WDR7: variants seen among roughly 807,000 people sequenced by gnomAD.
WDR7 encodes the protein WD repeat-containing protein 7.
Under a neutral mutation model 169.4 loss-of-function variants are expected in WDR7, and 46 were observed. The observed-to-expected ratio is 0.27, with a 90% CI of 0.21 to 0.35. The LOEUF is 0.35. WDR7 is among the 10% of genes least tolerant of loss of function. The pLI, the probability that WDR7 is intolerant of heterozygous loss-of-function variation, is 1.00. For missense variants in WDR7, 1,534 were observed against 1,859.3 expected, an observed-to-expected ratio of 0.83 and a Z score of 3.22; for synonymous variants, 612 against 666.8, an observed-to-expected ratio of 0.92 and a Z score of 1.27.
At chr18:56,984,155 T>C (rs1316770875) in intron 26 of WDR7, among the ~76,000 whole-genome samples, 1 of 152,174 alleles carries the variant, frequency 6.6e-6, no homozygotes, top group African/African-American at 2.4e-5. Flanking sequence ...CTTTTCTTCA[T>C]GTTTCATGAA....
intron 26 of WDR7, among the ~76,000 whole-genome samples, chr18:56,977,234 G>T (rs146388968): frequency 6.6e-6 from 1 of 152,304 alleles, no homozygotes; most frequent in African/African-American, 2.4e-5. Flanking sequence ...AAAGAGAATT[G>T]TTGGCTTGGT....
intron 12 of WDR7, among the ~76,000 whole-genome samples, chr18:56,703,136 G>A (rs996568655): frequency 9.2e-5 from 14 of 152,138 alleles, no homozygotes; most frequent in Non-Finnish European, 1.3e-4. Flanking sequence ...AGGAATGTGC[G>A]TCATCTAACC....
intron 26 of WDR7, among the ~76,000 whole-genome samples, chr18:56,988,591 G>GTT (rs977875096): frequency 2.1e-4 from 1 of 4,824 alleles, no homozygotes; most frequent in African/African-American, 2.9e-3. Flanking sequence ...TGGAAGGCAA[G>GTT]TGTGTGTGTG....
At chr18:56,970,372 T>G (rs1398932861) in intron 26 of WDR7, among the ~76,000 whole-genome samples, 1 of 151,936 alleles carries the variant, frequency 6.6e-6, no homozygotes, top group Non-Finnish European at 1.5e-5. Context: ...TCTATCCTGA[T>G]TTTTTTCCAG....
intron 11 of WDR7, 130 bp from the exon 12 acceptor site, chr18:56,696,112 A>G: frequency 1.3e-6 from 1 of 750,118 alleles, no homozygotes; most frequent in Non-Finnish European, 2.1e-6. Context: ...GAGTTGTGTT[A>G]GAAGATAAAA....
At chr18:56,932,299 T>A (rs1392867886) in intron 22 of WDR7, among the ~76,000 whole-genome samples, 2 of 152,222 alleles carry the variant, frequency 1.3e-5, no homozygotes, top group Non-Finnish European at 2.9e-5. Flanking sequence ...TCAAAAGTGC[T>A]GGCTTTTCCA....
intron 26 of WDR7, among the ~76,000 whole-genome samples, chr18:56,987,285 CAAAAAAAAA>C (rs74182165): frequency 8.2e-4 from 62 of 75,272 alleles, no homozygotes; most frequent in African/African-American, 2.0e-3. Flanking sequence ...TCATCTGTAC[CAAAAAAAAA>C]AAAAAAAAAA....
intron 20 of WDR7, among the ~76,000 whole-genome samples, chr18:56,827,090 T>C (rs2045219051): frequency 6.6e-6 from 1 of 152,130 alleles, no homozygotes; most frequent in Non-Finnish European, 1.5e-5. Flanking sequence ...TGGAGAGACA[T>C]GGGAAAAGCT....
At chr18:56,701,942 T>C (rs990674557) in intron 12 of WDR7, among the ~76,000 whole-genome samples, 2 of 152,200 alleles carry the variant, frequency 1.3e-5, no homozygotes, top group Admixed American at 1.3e-4. Flanking sequence ...TTAATTTTAT[T>C]CTGACAACTA....
chr18:56,710,741 C>T (rs1397279226), intron 12 of WDR7, among the ~76,000 whole-genome samples: 1 of 152,134 alleles, frequency 6.6e-6, no homozygotes, highest in Non-Finnish European at 1.5e-5. Flanking sequence ...TGCCGCTTGC[C>T]AGCACAAATG....
intron 1 of WDR7, among the ~76,000 whole-genome samples, chr18:56,669,275 A>G (rs1160125199): frequency 6.6e-6 from 1 of 152,290 alleles, no homozygotes; most frequent in East Asian, 1.9e-4. Flanking sequence ...TTTTATCTCT[A>G]AGATGCCTGT....
intron 21 of WDR7, among the ~76,000 whole-genome samples, chr18:56,897,180 C>T (rs147281259): frequency 2.0e-3 from 298 of 151,944 alleles, no homozygotes; most frequent in African/African-American, 6.8e-3. Flanking sequence ...CTTGGAACAA[C>T]CAGAACTCTT....
chr18:56,931,178 A>G (rs2046878975), intron 22 of WDR7, among the ~76,000 whole-genome samples: 1 of 152,152 alleles, frequency 6.6e-6, no homozygotes, highest in African/African-American at 2.4e-5. Flanking sequence ...AACCTGTGTA[A>G]CGGGTGATCC....
rs145777964 is a variant in WDR7 at position 56,747,263 on chromosome 18, C to A, written c.1990-9320C>A. ...TTGTCACCATTGACTTGCTGTGTGA[C>A]CTTAGGTGACTGACTGACTTATCTC... On this transcript the variant is annotated intron_variant, in intron 14 of 27. Transcript: ENST00000254442. 1.3e-5 allele frequency among the ~76,000 whole-genome samples: 2 copies of A among 152,222 alleles called. 1 individual carries two copies. Among genetic ancestry groups the A allele is most frequent in the Non-Finnish European group, 2.9e-5 (2 of 68,018 alleles).
chr18:57,027,547 T>A lies in WDR7; in HGVS notation c.*340T>A. ...CACAAAAATCAATAAACACTGTGAT[T>A]GCACTCCCAGCCCAGATCAGCATTT... On this transcript the variant is annotated 3_prime_UTR_variant, in exon 28 of 28. Transcript: ENST00000254442. The A allele has an allele frequency of 3.0e-6, 1 of 335,442 alleles. No individual in the cohort carries two copies. The highest frequency in any genetic ancestry group is 3.4e-5 in the South Asian group (1 of 29,322). The allele number at this position is 335,442 out of a possible 1,614,324, so 20.8% of individuals were successfully genotyped here. A position where few individuals can be genotyped will look rare whatever the true frequency, so the allele number is the denominator to read the frequency against.
intron 26 of WDR7, among the ~76,000 whole-genome samples, chr18:56,984,914 G>A (rs776393148): frequency 1.3e-5 from 2 of 152,182 alleles, no homozygotes; most frequent in African/African-American, 2.4e-5. Flanking sequence ...TCAGCTGTGT[G>A]CAGTGCCGAG....
At chr18:56,742,791 G>A (rs543192913) in intron 14 of WDR7, among the ~76,000 whole-genome samples, 14 of 152,168 alleles carry the variant, frequency 9.2e-5, no homozygotes, top group Non-Finnish European at 1.8e-4. Flanking sequence ...GGGTTGCAGT[G>A]TGTTCTGGGA....
intron 22 of WDR7, 123 bp from the exon 23 acceptor site, chr18:56,935,650 TGTTGCAAGTCCATTA>T: frequency 1.3e-6 from 1 of 757,178 alleles, no homozygotes; most frequent in Non-Finnish European, 2.3e-6. Flanking sequence ...CACTGCCCAT[TGTTGCAAGTCCATTA>T]TATTCTAACT....
At chr18:56,712,038 T>C (rs2026097640) in intron 12 of WDR7, among the ~76,000 whole-genome samples, 1 of 152,162 alleles carries the variant, frequency 6.6e-6, no homozygotes, top group African/African-American at 2.4e-5. Flanking sequence ...AAAAATTGTT[T>C]TGGGCACATA....
Sources: allele counts gnomAD v4.1 joint callset (sites outside exome capture counted in the v4.1 genomes callset), GRCh38; gene constraint gnomAD v4.1.1; transcripts MANE v1.5; gene names NCBI Gene and HGNC (gene_info 2026-07-23, HGNC 2026-07-21).